The following MACROD2 variants were observed in gnomAD, a reference collection of about 807,000 sequenced individuals.
The protein encoded by MACROD2 is mono-ADP ribosylhydrolase 2.
MACROD2 carries 36 observed loss-of-function variants against 70.4 expected under a neutral mutation model. The ratio of observed to expected loss-of-function variants is 0.51; its 90% confidence interval spans 0.39 to 0.68. The LOEUF is 0.68. Among genes scored for constraint, MACROD2 ranks in the 30% least tolerant of loss-of-function variants. The pLI is 0.00. For synonymous variants in MACROD2, 172 were observed against 178.8 expected (o/e 0.96, Z 0.30); for missense variants, 496 against 538.4 (o/e 0.92, Z 0.78).
intron 5 of MACROD2, among the ~76,000 whole-genome samples, chr20:14,723,098 A>G (rs1471299010): frequency 6.6e-6 from 1 of 152,110 alleles, no homozygotes; most frequent in Non-Finnish European, 1.5e-5. Flanking sequence ...CTTAAATTTG[A>G]TCTTTACATT....
Position 15,862,820 on chromosome 20 carries a change from T to C in MACROD2, c.721T>C (p.Ser241Pro), listed in dbSNP as rs1256262034. 1 of 1,608,592 alleles carries C rather than the reference T, an allele frequency of 6.2e-7. No individual in the cohort carries two copies. The change falls in exon 9 of 18, where the codon TCC becomes CCC. Residue 241 changes from serine (S) to proline (P), a missense_variant. Physicochemically the swap from Ser to Pro is moderately conservative, Grantham distance 74. Coordinates refer to ENST00000684519, the MANE Select transcript of MACROD2 (RefSeq NM_001351661.2). ...IYKKKMNEFF[S>P]VDDNNEEEED... is the part of the protein sequence containing the mutation. ...CAAAAAGAAAATGAATGAGTTTTTC[T>C]CCGTAGGTGAGTAAAGCAACTTCTT...
intron 8 of MACROD2, among the ~76,000 whole-genome samples, chr20:15,635,126 C>G (rs1447715089): frequency 6.6e-6 from 1 of 152,202 alleles, no homozygotes; most frequent in Non-Finnish European, 1.5e-5. Flanking sequence ...TTGCAGCCAG[C>G]TAAGCTACTG....
At chr20:14,200,633 T>C (rs1237592796) in intron 3 of MACROD2, among the ~76,000 whole-genome samples, 1 of 152,236 alleles carries the variant, frequency 6.6e-6, no homozygotes, top group Non-Finnish European at 1.5e-5. Flanking sequence ...TTAAAAAAAT[T>C]TAAGGCTGTT....
chr20:14,643,363 G>A (rs775031333), intron 4 of MACROD2, among the ~76,000 whole-genome samples: 2 of 152,166 alleles, frequency 1.3e-5, no homozygotes, highest in Admixed American at 6.6e-5. Flanking sequence ...ATGGCAGATT[G>A]TAACCCTGAG....
At position 15,597,644 on chromosome 20, in the gene MACROD2, A is replaced by G. The variant is rs1192895496; in HGVS notation, c.645+97797A>G. ...TGGGGTTGAGGCCTTTGAAGAATCA[A>G]CAAAAATGCTTCATAAAAATTAATT... On this transcript the variant is annotated intron_variant, in intron 8 of 17. Coordinates refer to ENST00000684519, the MANE Select transcript of MACROD2 (RefSeq NM_001351661.2). Among the ~76,000 whole-genome samples the G allele has an allele frequency of 2.0e-5, 3 of 152,228 alleles. No individual in the cohort carries two copies. The East Asian group carries it at 5.8e-4, about 29-fold the overall frequency.
At chr20:15,178,963 G>A (rs2076481425) in intron 5 of MACROD2, among the ~76,000 whole-genome samples, 1 of 152,160 alleles carries the variant, frequency 6.6e-6, no homozygotes, top group Non-Finnish European at 1.5e-5. Context: ...GAAGCATAAG[G>A]GAGGATTGGG....
intron 2 of MACROD2, among the ~76,000 whole-genome samples, chr20:14,005,437 C>A (rs1766173829): frequency 6.6e-6 from 1 of 152,086 alleles, no homozygotes; most frequent in Admixed American, 6.6e-5. Context: ...AATTCAATAT[C>A]ATTTGTCAGT....
intron 8 of MACROD2, among the ~76,000 whole-genome samples, chr20:15,567,369 G>T (rs1219669189): frequency 6.6e-6 from 1 of 152,162 alleles, no homozygotes; most frequent in Non-Finnish European, 1.5e-5. Context: ...TCAGGCAAAT[G>T]TGCTCCAGGA....
At chr20:14,522,659 G>A (rs2085182068) in intron 4 of MACROD2, among the ~76,000 whole-genome samples, 1 of 152,140 alleles carries the variant, frequency 6.6e-6, no homozygotes, top group Admixed American at 6.5e-5. Flanking sequence ...TCTTGTCCCT[G>A]CACGTTTTTC....
intron 3 of MACROD2, among the ~76,000 whole-genome samples, chr20:14,233,431 G>A (rs930173401): frequency 1.3e-5 from 2 of 151,932 alleles, no homozygotes; most frequent in Non-Finnish European, 2.9e-5. Context: ...GGTGGCTCAC[G>A]CCTGTAATCC....
chr20:15,739,857 G>A (rs575544387), intron 8 of MACROD2, among the ~76,000 whole-genome samples: 1 of 152,312 alleles, frequency 6.6e-6, no homozygotes, highest in South Asian at 2.1e-4. Flanking sequence ...GTCATCCACT[G>A]TTCTAACCTG....
chr20:15,899,132 T>C (rs2065023475), intron 10 of MACROD2, among the ~76,000 whole-genome samples: 1 of 152,104 alleles, frequency 6.6e-6, no homozygotes, highest in South Asian at 2.1e-4. Flanking sequence ...TGTATGCACA[T>C]ACAAATATAT....
intron 7 of MACROD2, among the ~76,000 whole-genome samples, chr20:15,446,660 C>T (rs2046569722): frequency 6.6e-6 from 1 of 152,210 alleles, no homozygotes; most frequent in Non-Finnish European, 1.5e-5. Flanking sequence ...AAAGTGATCA[C>T]CGGCAGCTCA....
intron 8 of MACROD2, among the ~76,000 whole-genome samples, chr20:15,689,937 G>A (rs768008577): frequency 6.6e-6 from 1 of 152,208 alleles, no homozygotes; most frequent in Non-Finnish European, 1.5e-5. Context: ...CCCAACCAAA[G>A]GCACAGCCCC....
At position 14,989,091 on chromosome 20, in the gene MACROD2, G is replaced by T. The variant is rs181660147; in HGVS notation, c.419-240849G>T. On this transcript the variant is annotated intron_variant, in intron 5 of 17. Coordinates refer to ENST00000684519, the MANE Select transcript of MACROD2 (RefSeq NM_001351661.2). Reference sequence around the variant, plus strand: ...AAGATGTGTGTGTTTGAATTATATGGTTTTTTTTAAAAAGTATGTTACCAT... The same window carrying T: ...AAGATGTGTGTGTTTGAATTATATGTTTTTTTTTAAAAAGTATGTTACCAT... Among the ~76,000 whole-genome samples the T allele has an allele frequency of 1.8e-3, 275 of 151,908 alleles. 2 individuals are homozygous for T. Among genetic ancestry groups the T allele is most frequent in the Admixed American group, 3.3e-3 (50 of 15,230 alleles).
At chr20:14,209,472 A>T (rs2081553278) in intron 3 of MACROD2, among the ~76,000 whole-genome samples, 1 of 152,242 alleles carries the variant, frequency 6.6e-6, no homozygotes, top group Non-Finnish European at 1.5e-5. Context: ...TGGAAAAAAA[A>T]TAAAGTTCCA....
At chr20:14,069,861 T>A (rs2053815607) in intron 2 of MACROD2, among the ~76,000 whole-genome samples, 1 of 151,668 alleles carries the variant, frequency 6.6e-6, no homozygotes, top group Non-Finnish European at 1.5e-5. Flanking sequence ...ACCAGAGGCT[T>A]AAAGATTGCT....
At chr20:14,789,312 G>T (rs1488460010) in intron 5 of MACROD2, among the ~76,000 whole-genome samples, 1 of 151,696 alleles carries the variant, frequency 6.6e-6, no homozygotes, top group Non-Finnish European at 1.5e-5. Flanking sequence ...TCATTAGTTA[G>T]ATATGTGTAC....
chr20:15,568,437 A>G (rs879365329), intron 8 of MACROD2, among the ~76,000 whole-genome samples: 2 of 152,184 alleles, frequency 1.3e-5, no homozygotes, highest in Admixed American at 1.3e-4. Flanking sequence ...CTCTTACCCT[A>G]TGTCTAACAG....
Sources: allele counts gnomAD v4.1 joint callset (sites outside exome capture counted in the v4.1 genomes callset), GRCh38; gene constraint gnomAD v4.1.1; transcripts MANE v1.5; gene names NCBI Gene and HGNC (gene_info 2026-07-23, HGNC 2026-07-21).